The following DACH2 variants were observed in gnomAD, a reference collection of about 807,000 sequenced individuals.
The protein encoded by DACH2 is dachshund family transcription factor 2, also known as dachshund homolog 2.
In DACH2, 17 loss-of-function variants were observed where a neutral mutation model predicts 35.8. The observed-to-expected ratio is 0.48, with a 90% CI of 0.33 to 0.71. The LOEUF is 0.71. Ranked by LOEUF, DACH2 falls within the 30% of genes least tolerant of loss-of-function variation. DACH2 has a pLI of 0.02. For missense variants in DACH2, 469 were observed against 472.7 expected (o/e 0.99, Z 0.07); for synonymous variants, 195 against 177.3 (o/e 1.10, Z -0.79).
Position 86,514,368 on chromosome X carries a change from C to A in DACH2, c.617C>A (p.Ser206Ter). Residue 206 changes from serine (S) to a stop codon, truncating the protein, a stop_gained, in exon 3 of 12, where the codon TCG becomes TAG. Transcript: ENST00000373125. LOFTEE classifies it high-confidence loss of function. Reference protein sequence around the residue: ...LLTHAVPGLLSPGLITPTGIT... With the variant: ...LLTHAVPGLL ...ACCCATGCAGTCCCAGGCCTCTTATCGCCAGGACTTATCACTCCGACAGGT... is the reference window on the plus strand; with the variant it reads ...ACCCATGCAGTCCCAGGCCTCTTATAGCCAGGACTTATCACTCCGACAGGT... 8.3e-7 allele frequency: 1 copy of A among 1,210,210 alleles called. No individual in the cohort carries two copies. Among genetic ancestry groups the A allele is most frequent in the East Asian group, 3.0e-5 (1 of 33,771 alleles).
chrX:86,785,755 T>C (rs944723036), intron 7 of DACH2, among the ~76,000 whole-genome samples: 20 of 111,624 alleles, frequency 1.8e-4, no homozygotes, highest in African/African-American at 6.2e-4. Flanking sequence ...ACAGGTATAA[T>C]TGTGGAGATG....
At chrX:86,241,951 G>A (rs906190799) in intron 1 of DACH2, among the ~76,000 whole-genome samples, 9 of 112,551 alleles carry the variant, frequency 8.0e-5, no homozygotes, top group African/African-American at 9.7e-5. Context: ...GGGAACCTCC[G>A]CCTAGATTTC....
chrX:86,785,250 A>G (rs1434408903), intron 7 of DACH2, among the ~76,000 whole-genome samples: 1 of 112,070 alleles, frequency 8.9e-6, no homozygotes, highest in Non-Finnish European at 1.9e-5. Context: ...GTAAGCAGTG[A>G]AATATACAGT....
At chrX:86,384,955 T>C (rs1351709510) in intron 2 of DACH2, among the ~76,000 whole-genome samples, 2 of 111,903 alleles carry the variant, frequency 1.8e-5, no homozygotes, top group Non-Finnish European at 3.8e-5. Context: ...TTTATCATTA[T>C]AAAATACTCT....
At chrX:86,476,251 T>C (rs1312855233) in intron 2 of DACH2, among the ~76,000 whole-genome samples, 3 of 111,829 alleles carry the variant, frequency 2.7e-5, no homozygotes, top group Non-Finnish European at 5.7e-5. Context: ...GTAGGATGGT[T>C]ATTAGTTTGT....
At chrX:86,363,684 T>C (rs1002434030) in intron 1 of DACH2, among the ~76,000 whole-genome samples, 3 of 111,245 alleles carry the variant, frequency 2.7e-5, no homozygotes, top group African/African-American at 9.8e-5. Context: ...AATTATATTT[T>C]CTTCTGAAAA....
At chrX:86,323,028 T>C (rs192903623) in intron 1 of DACH2, among the ~76,000 whole-genome samples, 13 of 112,478 alleles carry the variant, frequency 1.2e-4, no homozygotes, top group Non-Finnish European at 2.3e-4. Flanking sequence ...GGGAGAAGAA[T>C]TGGAAAGCTA....
chrX:86,205,243 G>A (rs1262820202), intron 1 of DACH2, among the ~76,000 whole-genome samples: 3 of 111,290 alleles, frequency 2.7e-5, no homozygotes, highest in South Asian at 3.8e-4. Context: ...GGAAAGAGTC[G>A]TTCCACTTCT....
chrX:86,723,267 T>A (rs1283383249), intron 6 of DACH2, among the ~76,000 whole-genome samples: 1 of 111,384 alleles, frequency 9.0e-6, no homozygotes, highest in Non-Finnish European at 1.9e-5. Context: ...ATTTCTCATG[T>A]TGGTTTTTCA....
At chrX:86,213,983 T>C (rs2032509827) in intron 1 of DACH2, among the ~76,000 whole-genome samples, 1 of 111,273 alleles carries the variant, frequency 9.0e-6, no homozygotes, top group Non-Finnish European at 1.9e-5. Context: ...TTCTCATTCA[T>C]ACTTTCTGAC....
At chrX:86,322,884 C>T (rs1196997647) in intron 1 of DACH2, among the ~76,000 whole-genome samples, 1 of 110,857 alleles carries the variant, frequency 9.0e-6, no homozygotes, top group East Asian at 2.9e-4. Context: ...CAAATGGTGG[C>T]CTTCCTGCTA....
At chrX:86,169,786 G>A (rs1195127160) in intron 1 of DACH2, among the ~76,000 whole-genome samples, 2 of 110,856 alleles carry the variant, frequency 1.8e-5, no homozygotes, top group Non-Finnish European at 3.8e-5. Flanking sequence ...TCCTCAACAC[G>A]GCTATTTTGA....
intron 2 of DACH2, among the ~76,000 whole-genome samples, chrX:86,480,171 A>T (rs891049545): frequency 8.9e-6 from 1 of 112,452 alleles, no homozygotes; most frequent in South Asian, 3.7e-4. Context: ...TTAAAGCCAT[A>T]TCTACATCAA....
chrX:86,539,744 A>G (rs2038855027), intron 3 of DACH2, among the ~76,000 whole-genome samples: 1 of 111,763 alleles, frequency 8.9e-6, no homozygotes, highest in African/African-American at 3.2e-5. Context: ...CATCTGTATA[A>G]TGAAGATAAT....
chrX:86,406,924 C>T (rs1212517411), intron 2 of DACH2, among the ~76,000 whole-genome samples: 4 of 111,395 alleles, frequency 3.6e-5, no homozygotes, highest in African/African-American at 1.3e-4. Flanking sequence ...AATTTAAAAC[C>T]TAAAATGAAA....
intron 3 of DACH2, among the ~76,000 whole-genome samples, chrX:86,650,482 C>G (rs1007086656): frequency 9.0e-6 from 1 of 111,042 alleles, no homozygotes; most frequent in Non-Finnish European, 1.9e-5. Context: ...TAGATATGCA[C>G]TAATGAGGAT....
intron 3 of DACH2, among the ~76,000 whole-genome samples, chrX:86,581,683 G>A (rs1484598604): frequency 1.8e-5 from 2 of 111,673 alleles, no homozygotes; most frequent in African/African-American, 6.5e-5. Flanking sequence ...ACAAGAAGAA[G>A]TAACTATCCT....
At chrX:86,262,429 A>G (rs1334083859) in intron 1 of DACH2, among the ~76,000 whole-genome samples, 1 of 112,326 alleles carries the variant, frequency 8.9e-6, no homozygotes, top group African/African-American at 3.2e-5. Context: ...AATAATTTGC[A>G]TATATCAGCA....
At chrX:86,522,431 T>G (rs1429492503) in intron 3 of DACH2, among the ~76,000 whole-genome samples, 1 of 111,769 alleles carries the variant, frequency 8.9e-6, no homozygotes, top group African/African-American at 3.2e-5. Flanking sequence ...TTGTCAGATA[T>G]TCATTTAGAT....
Sources: gnomAD v4.1 joint callset for allele counts (sites outside exome capture counted in the v4.1 genomes callset) on GRCh38, gnomAD v4.1.1 for gene constraint, MANE v1.5 for transcripts, NCBI Gene and HGNC (gene_info 2026-07-23, HGNC 2026-07-21) for gene names.